Variants in WDHD1 observed in about 807,000 individuals in gnomAD.
The protein encoded by WDHD1 is WD repeat and HMG-box DNA-binding protein 1.
A neutral mutation model predicts 135.4 loss-of-function variants in WDHD1; 111 were observed. That is an observed-to-expected ratio of 0.82 (90% CI 0.70 to 0.96). The LOEUF (loss-of-function observed/expected upper bound fraction) is 0.96, where lower values mean the gene tolerates loss of function less well. Among genes scored for constraint, WDHD1 ranks in the 40% least tolerant of loss-of-function variants. The probability of loss-of-function intolerance (pLI) is 0.00; values close to 1 mark genes in which losing one functional copy is unlikely to be tolerated. For missense variants in WDHD1, 1,351 were observed against 1,336.3 expected (o/e 1.01, Z -0.17); for synonymous variants, 434 against 439.0 (o/e 0.99, Z 0.14).
Position 54,944,363 on chromosome 14 carries a change from C to T in WDHD1, c.3158G>A (p.Arg1053Gln), listed in dbSNP as rs766916146. ...EADIIKEGMI[R>Q]FRVLSTEERK... Reference sequence around the variant, plus strand: ...TTCTTCAGTTGACAATACTCTAAATCGAATCATTCCTTCTTTTATTATGTC... The same window carrying T: ...TTCTTCAGTTGACAATACTCTAAATTGAATCATTCCTTCTTTTATTATGTC... Residue 1053 changes from arginine (R) to glutamine (Q), a missense_variant, in exon 25 of 26, where the codon CGA (arginine) becomes CAA (glutamine). Physicochemically the swap from Arg to Gln is conservative, Grantham distance 43. Coordinates refer to ENST00000360586, the MANE Select transcript of WDHD1 (RefSeq NM_007086.4). 47 of 1,607,510 alleles carry T rather than the reference C, an allele frequency of 2.9e-5. No individual in the cohort carries two copies. The highest frequency in any genetic ancestry group is 6.7e-5 in the East Asian group (3 of 44,698).
At chr14:54,944,308 C>T (rs1330162674) in intron 25 of WDHD1, 24 bp downstream of exon 25, 35 of 1,598,334 alleles carry the variant, frequency 2.2e-5, no homozygotes, top group Non-Finnish European at 2.8e-5. Context: ...ACTAAGATCT[C>T]AATCTCGGCA....
chr14:55,008,256 CAT>C, intron 6 of WDHD1, 58 bp downstream of exon 6: 1 of 1,511,926 alleles, frequency 6.6e-7, no homozygotes, highest in Admixed American at 1.8e-5. Context: ...AGTAATACGA[CAT>C]ATAACAATTT....
At chr14:54,973,700 T>A (rs1036494374) in intron 16 of WDHD1, among the ~76,000 whole-genome samples, 1 of 152,206 alleles carries the variant, frequency 6.6e-6, no homozygotes, top group African/African-American at 2.4e-5. Flanking sequence ...CATATATATG[T>A]ACATTAACAA....
At chr14:54,947,920 T>C (rs1417019050) in intron 24 of WDHD1, among the ~76,000 whole-genome samples, 1 of 151,382 alleles carries the variant, frequency 6.6e-6, no homozygotes, top group African/African-American at 2.4e-5. Flanking sequence ...ATTTAACGGA[T>C]ATATTAAAAA....
rs747436093 is a variant in WDHD1, at chr14:54,989,188, G to A, written c.1366C>T (p.Arg456Cys). Residue 456 changes from arginine (R) to cysteine (C), a missense_variant, in exon 13 of 26, where the codon CGC (arginine) becomes TGC (cysteine). Arg to Cys is a radical substitution (Grantham distance 180, BLOSUM62 -3). Transcript: ENST00000360586. ...TTGTCTTGCTCATCATTATAGCAGC[G>A]AATAATTCCAATAGAGTTCCACACC... ...FMVWNSIGII[R>C]CYNDEQDNAI... 82 of 1,612,544 alleles carry A rather than the reference G, an allele frequency of 5.1e-5. No individual in the cohort carries two copies. Among genetic ancestry groups the A allele is most frequent in the Middle Eastern group, 1.7e-4 (1 of 6,006 alleles).
rs1219301158 is a variant in WDHD1, at chr14:54,940,153, C to T, written c.*1337G>A. ...CTTTCATTTCATTCAATTCTCATAA[C>T]AACCTATAAAGTAGGTACTATCATT... On this transcript the variant is annotated 3_prime_UTR_variant, in exon 26 of 26. Coordinates refer to ENST00000360586, the MANE Select transcript of WDHD1 (RefSeq NM_007086.4). The T allele has an allele frequency of 6.6e-6, 1 of 152,162 alleles. No homozygotes were observed. Among genetic ancestry groups the T allele is most frequent in the Admixed American group, 6.5e-5 (1 of 15,278 alleles). 9.4% of individuals were successfully genotyped at this position (152,162 alleles called of 1,614,324 possible).
Position 54,962,808 on chromosome 14 carries a change from A to G in WDHD1, c.2577T>C (p.Asn859=), listed in dbSNP as rs977579931. ...TGTCCTCAGCATCTTCTTCAACTTG[A>G]TTTCTGAACCTTGGTTGGCTCCACT... ...ATEWSQPRFR[N]QVEEDAEDSG... The change falls in exon 20 of 26, where the codon AAT becomes AAC. Residue 859 remains asparagine, a synonymous_variant. Coordinates refer to ENST00000360586, the MANE Select transcript of WDHD1 (RefSeq NM_007086.4). The G allele has an allele frequency of 1.2e-6, 2 of 1,613,242 alleles. No individual in the cohort carries two copies. The highest frequency in any genetic ancestry group is 2.7e-5 in the African/African-American group (2 of 74,898).
At chr14:54,956,531 G>A (rs1198037389) in intron 23 of WDHD1, among the ~76,000 whole-genome samples, 3 of 151,982 alleles carry the variant, frequency 2.0e-5, no homozygotes, top group Admixed American at 6.6e-5. Context: ...CCAACTCCTC[G>A]GGAGGCTGAG....
Position 55,027,088 on chromosome 14 carries a change from G to C in WDHD1, c.-77C>G, listed in dbSNP as rs1289216359. The C allele has an allele frequency of 1.3e-5, 5 of 383,250 alleles. No individual in the cohort carries two copies. Among genetic ancestry groups the C allele is most frequent in the Non-Finnish European group, 2.5e-5 (5 of 202,332 alleles). The allele number at this position is 383,250 out of a possible 1,614,324, so 23.7% of individuals were successfully genotyped here. A position where few individuals can be genotyped will look rare whatever the true frequency, so the allele number is the denominator to read the frequency against. On this transcript the variant is annotated 5_prime_UTR_variant, in exon 1 of 26. Coordinates refer to ENST00000360586, the MANE Select transcript of WDHD1 (RefSeq NM_007086.4). ...AGAGCTGCTTCCCGCGCTTCGGCTC[G>C]CTCACCACACTGCGCCTGCGCCGAC...
chr14:54,992,523 T>C (rs2041809071), intron 11 of WDHD1, among the ~76,000 whole-genome samples: 1 of 151,998 alleles, frequency 6.6e-6, no homozygotes, highest in African/African-American at 2.4e-5. Context: ...AGCTTTCAAT[T>C]AAAAATTAAG....
intron 5 of WDHD1, 26 bp from the exon 6 acceptor site, chr14:55,008,392 C>A: frequency 6.2e-7 from 1 of 1,610,174 alleles, no homozygotes; most frequent in Non-Finnish European, 8.5e-7. Context: ...ATACATTTCT[C>A]TATAGTCATA....
intron 9 of WDHD1, 52 bp from the exon 10 acceptor site, chr14:55,000,696 G>A (rs2041966148): frequency 3.6e-6 from 5 of 1,383,292 alleles, no homozygotes; most frequent in Admixed American, 2.9e-5. Flanking sequence ...AATATAAATT[G>A]TACATTTCTT....
chr14:55,002,856 G>C (rs2041998786), intron 7 of WDHD1, among the ~76,000 whole-genome samples: 1 of 152,088 alleles, frequency 6.6e-6, no homozygotes, highest in South Asian at 2.1e-4. Flanking sequence ...GCCTCCCAAA[G>C]TGCTGAGATT....
chr14:54,997,908 T>C (rs568076849), intron 10 of WDHD1, among the ~76,000 whole-genome samples: 7 of 142,900 alleles, frequency 4.9e-5, no homozygotes, highest in African/African-American at 1.8e-4. Flanking sequence ...CGGAACTCCG[T>C]CTCAAAAAAA....
intron 16 of WDHD1, among the ~76,000 whole-genome samples, chr14:54,981,330 C>T (rs542383316): frequency 6.6e-6 from 1 of 152,194 alleles, no homozygotes; most frequent in East Asian, 1.9e-4. Context: ...GTAAGGTCAT[C>T]CTAATTATTT....
At chr14:55,020,501 A>T (rs2042328180) in intron 2 of WDHD1, among the ~76,000 whole-genome samples, 1 of 152,016 alleles carries the variant, frequency 6.6e-6, no homozygotes, top group African/African-American at 2.4e-5. Flanking sequence ...CTTTAACTTG[A>T]TCTCTAAATA....
intron 11 of WDHD1, 136 bp from the exon 12 acceptor site, chr14:54,991,536 A>C: frequency 1.2e-6 from 1 of 840,690 alleles, no homozygotes; most frequent in Non-Finnish European, 1.8e-6. Flanking sequence ...TCACTGTGTT[A>C]AAGAGATGCA....
chr14:54,953,024 A>G (rs1332869963), intron 24 of WDHD1, among the ~76,000 whole-genome samples: 1 of 152,234 alleles, frequency 6.6e-6, no homozygotes, highest in Non-Finnish European at 1.5e-5. Context: ...TAAAAACCCC[A>G]GAAGAAAACC....
intron 21 of WDHD1, among the ~76,000 whole-genome samples, chr14:54,961,840 C>CTTT (rs548999730): frequency 2.1e-5 from 3 of 143,172 alleles, no homozygotes; most frequent in Non-Finnish European, 3.1e-5. Flanking sequence ...TTTTCAACTC[C>CTTT]TTTTTTTTTT....
Sources: allele counts gnomAD v4.1 joint callset (sites outside exome capture counted in the v4.1 genomes callset), GRCh38; gene constraint gnomAD v4.1.1; transcripts MANE v1.5; gene names NCBI Gene and HGNC (gene_info 2026-07-23, HGNC 2026-07-21).